The following OLFM2 variants were observed in gnomAD, a reference collection of about 807,000 sequenced individuals.
OLFM2 encodes the protein noelin-2.
OLFM2 carries 20 observed loss-of-function variants against 43.9 expected under a neutral mutation model. That is an observed-to-expected ratio of 0.46 (90% confidence interval 0.32 to 0.66). The LOEUF (loss-of-function observed/expected upper bound fraction) is 0.66. OLFM2 is among the 30% of genes least tolerant of loss of function. OLFM2 has a pLI of 0.04. For synonymous variants in OLFM2, 268 were observed against 278.6 expected (o/e 0.96, Z 0.38); for missense variants, 416 against 643.6 (o/e 0.65, Z 3.83).
At chr19:9,855,241 A>ATTT (rs1216061769) in intron 5 of OLFM2, among the ~76,000 whole-genome samples, 3 of 134,228 alleles carry the variant, frequency 2.2e-5, no homozygotes, top group Non-Finnish European at 3.2e-5. Flanking sequence ...TTTTTAAGTA[A>ATTT]TTTTTTTTTT....
At chr19:9,885,521 C>T (rs1404384468) in intron 1 of OLFM2, among the ~76,000 whole-genome samples, 4 of 151,144 alleles carry the variant, frequency 2.6e-5, no homozygotes, top group African/African-American at 4.9e-5. Flanking sequence ...CTGCTGAGCA[C>T]GGCGGCTCAT....
intron 1 of OLFM2, among the ~76,000 whole-genome samples, chr19:9,915,661 G>T (rs1276690182): frequency 1.3e-5 from 2 of 152,026 alleles, no homozygotes; most frequent in African/African-American, 4.8e-5. Flanking sequence ...GGGACTACAG[G>T]CACCCACCAC....
At chr19:9,888,077 C>G (rs909969218) in intron 1 of OLFM2, among the ~76,000 whole-genome samples, 2 of 152,140 alleles carry the variant, frequency 1.3e-5, no homozygotes, top group Non-Finnish European at 2.9e-5. Context: ...TCCTTCCACT[C>G]TCCCTCTCAC....
chr19:9,855,874 C>G (rs767130959), intron 5 of OLFM2, among the ~76,000 whole-genome samples: 11 of 151,966 alleles, frequency 7.2e-5, no homozygotes, highest in Non-Finnish European at 8.8e-5. Context: ...GGACAATGCT[C>G]CATCCCAAAG....
chr19:9,924,865 G>C (rs1342414413), intron 1 of OLFM2, among the ~76,000 whole-genome samples: 1 of 149,730 alleles, frequency 6.7e-6, no homozygotes, highest in Non-Finnish European at 1.5e-5. Context: ...CAATGTTAAT[G>C]AATCAAAAAA....
intron 1 of OLFM2, among the ~76,000 whole-genome samples, chr19:9,928,072 G>A (rs1301451172): frequency 6.6e-6 from 1 of 152,026 alleles, no homozygotes; most frequent in East Asian, 1.9e-4. Flanking sequence ...TTAGCTGGAT[G>A]TAGTGGTACA....
intron 1 of OLFM2, among the ~76,000 whole-genome samples, chr19:9,880,776 C>A (rs2046533098): frequency 6.6e-6 from 1 of 152,108 alleles, no homozygotes; most frequent in Non-Finnish European, 1.5e-5. Flanking sequence ...AATTAAATTT[C>A]TGTTGTTTAA....
intron 1 of OLFM2, among the ~76,000 whole-genome samples, chr19:9,896,162 G>A (rs1205858398): frequency 2.1e-5 from 3 of 141,880 alleles, no homozygotes; most frequent in South Asian, 2.3e-4. Flanking sequence ...GTGCAGTGGC[G>A]CGATCTTGGC....
At chr19:9,932,502 G>A (rs959964946) in intron 1 of OLFM2, among the ~76,000 whole-genome samples, 5 of 151,602 alleles carry the variant, frequency 3.3e-5, no homozygotes, top group Non-Finnish European at 5.9e-5. Flanking sequence ...AAAAGAACAC[G>A]GAGTAAGCAC....
intron 1 of OLFM2, among the ~76,000 whole-genome samples, chr19:9,932,131 T>C (rs1204598934): frequency 6.6e-6 from 1 of 152,018 alleles, no homozygotes; most frequent in African/African-American, 2.4e-5. Flanking sequence ...AATGAATGAA[T>C]AGAAGAATCA....
intron 1 of OLFM2, among the ~76,000 whole-genome samples, chr19:9,879,522 A>G (rs964960292): frequency 6.7e-6 from 1 of 149,496 alleles, no homozygotes; most frequent in African/African-American, 2.5e-5. Context: ...CTTCCCTTTC[A>G]CCCCCTGCCA....
At chr19:9,882,100 G>A (rs558714996) in intron 1 of OLFM2, among the ~76,000 whole-genome samples, 2 of 152,086 alleles carry the variant, frequency 1.3e-5, no homozygotes, top group African/African-American at 2.4e-5. Context: ...TTAGCCAGGT[G>A]TGGTGGCTCG....
Position 9,854,478 on chromosome 19 carries a change from A to G in OLFM2, c.1073T>C (p.Met358Thr). The part of the protein sequence containing the change: ...SRLDPHTLEV[M>T]RSWDTGYPKR... The stretch of plus-strand genomic sequence containing the variant: ...GGGGTAGCCGGTGTCCCAGGACCGC[A>G]TGACCTCGAGGGTGTGCGGGTCCAG... The change falls in exon 6 of 6, where the codon ATG becomes ACG. Residue 358 changes from methionine to threonine, a missense_variant. By Grantham distance (81) the Met-to-Thr change is moderately conservative (BLOSUM62 -1). Coordinates refer to ENST00000264833, the MANE Select transcript of OLFM2 (RefSeq NM_058164.4). The surrounding 1 kb of genome is among the most constrained non-coding windows in gnomAD (Gnocchi z 9.5). 1 of 1,614,048 alleles carries G rather than the reference A, an allele frequency of 6.2e-7. No individual in the cohort carries two copies. The highest frequency in any genetic ancestry group is 8.5e-7 in the Non-Finnish European group (1 of 1,180,034).
intron 1 of OLFM2, among the ~76,000 whole-genome samples, chr19:9,893,568 T>G (rs2046656249): frequency 6.6e-6 from 1 of 152,200 alleles, no homozygotes; most frequent in Non-Finnish European, 1.5e-5. Flanking sequence ...TCTATCTCAG[T>G]ACCTGGGTAC....
At chr19:9,888,288 T>G (rs2046605600) in intron 1 of OLFM2, among the ~76,000 whole-genome samples, 1 of 151,570 alleles carries the variant, frequency 6.6e-6, no homozygotes, top group African/African-American at 2.4e-5. Flanking sequence ...TTTGGGAGGC[T>G]GAGGTGGGTG....
At chr19:9,934,734 C>T (rs2086505444) in intron 1 of OLFM2, among the ~76,000 whole-genome samples, 2 of 152,158 alleles carry the variant, frequency 1.3e-5, no homozygotes, top group African/African-American at 4.8e-5. Flanking sequence ...GGCACACTCC[C>T]TATCCCACCC....
At chr19:9,889,161 A>T (rs1021511036) in intron 1 of OLFM2, among the ~76,000 whole-genome samples, 7 of 151,096 alleles carry the variant, frequency 4.6e-5, no homozygotes, top group African/African-American at 1.7e-4. Flanking sequence ...TGGAGAGGGG[A>T]GGGGGTGTGC....
At chr19:9,929,362 G>A (rs1017828298) in intron 1 of OLFM2, among the ~76,000 whole-genome samples, 1 of 152,100 alleles carries the variant, frequency 6.6e-6, no homozygotes, top group African/African-American at 2.4e-5. Context: ...GGAGGCTGAG[G>A]CGGGTGGATC....
At chr19:9,878,381 C>CTTTTTTTTTT (rs34231833) in intron 1 of OLFM2, among the ~76,000 whole-genome samples, 2 of 57,636 alleles carry the variant, frequency 3.5e-5, no homozygotes, top group African/African-American at 6.3e-5. Flanking sequence ...TCATTTCTCT[C>CTTTTTTTTTT]TTTTTTTTTT....
Sources: gnomAD v4.1 joint callset for allele counts (sites outside exome capture counted in the v4.1 genomes callset) on GRCh38, gnomAD v4.1.1 for gene constraint, Gnocchi (gnomAD v3.1) non-coding constraint, MANE v1.5 for transcripts, NCBI Gene and HGNC (gene_info 2026-07-23, HGNC 2026-07-21) for gene names.